FAM227A: variants seen among roughly 807,000 people sequenced by gnomAD.
The protein encoded by FAM227A is protein FAM227A.
Under a neutral mutation model 74.7 loss-of-function variants are expected in FAM227A, and 80 were observed. The observed-to-expected ratio is 1.07, with a 90% CI of 0.89 to 1.29. The LOEUF is 1.29. FAM227A is among the 50% of genes most tolerant of loss of function. The probability of loss-of-function intolerance (pLI) is 0.00; values close to 1 mark genes in which losing one functional copy is unlikely to be tolerated. For synonymous variants in FAM227A, 237 were observed against 241.8 expected (o/e 0.98, Z 0.19); for missense variants, 654 against 683.4 (o/e 0.96, Z 0.48).
At chr22:38,624,887 A>C (rs1271511965) in intron 9 of FAM227A, among the ~76,000 whole-genome samples, 1 of 150,530 alleles carries the variant, frequency 6.6e-6, no homozygotes, top group Non-Finnish European at 1.5e-5. Flanking sequence ...TCATAGCGAG[A>C]CTACACTTAA....
At chr22:38,589,863 G>T (rs1051226112) in intron 16 of FAM227A, among the ~76,000 whole-genome samples, 1 of 152,124 alleles carries the variant, frequency 6.6e-6, no homozygotes, top group Non-Finnish European at 1.5e-5. Flanking sequence ...CACTTTGGGA[G>T]GCCAAGGCGA....
intron 3 of FAM227A, among the ~76,000 whole-genome samples, chr22:38,642,494 T>C (rs540194192): frequency 6.6e-6 from 1 of 152,146 alleles, no homozygotes; most frequent in African/African-American, 2.4e-5. Context: ...ACACAGAAGG[T>C]ACAATCCATG....
At position 38,650,241 on chromosome 22, in the gene FAM227A, T is replaced by C. The variant is rs2092305080; in HGVS notation, c.-73A>G. The C allele has an allele frequency of 6.9e-7, 1 of 1,459,364 alleles. No individual in the cohort carries two copies. Among genetic ancestry groups the C allele is most frequent in the African/African-American group, 1.4e-5 (1 of 71,054 alleles). 90.4% of individuals were successfully genotyped at this position (1,459,364 alleles called of 1,614,324 possible). A position where few individuals can be genotyped will look rare whatever the true frequency, so the allele number is the denominator to read the frequency against. ...AGCCTCTCATTTCCCACTCCAATCT[T>C]GTCGTTTGTTTAATCAGCCTCCTGG... On this transcript the variant is annotated 5_prime_UTR_variant, in exon 2 of 17. Transcript: ENST00000535113.
chr22:38,611,639 T>C (rs569063476), intron 11 of FAM227A, among the ~76,000 whole-genome samples: 1 of 152,132 alleles, frequency 6.6e-6, no homozygotes, highest in East Asian at 1.9e-4. Flanking sequence ...AACTGATAGG[T>C]GCATCACTTA....
chr22:38,640,030 T>C (rs1346130722), intron 3 of FAM227A, among the ~76,000 whole-genome samples: 5 of 151,644 alleles, frequency 3.3e-5, no homozygotes, highest in South Asian at 2.1e-4. Flanking sequence ...ATATCTATCT[T>C]CCAGGGTTCT....
chr22:38,596,467 AC>A, intron 15 of FAM227A, among the ~76,000 whole-genome samples: 1 of 152,232 alleles, frequency 6.6e-6, no homozygotes, highest in East Asian at 1.9e-4. Context: ...GATCACTTGA[AC>A]CCAGGAGTTT....
chr22:38,643,080 C>T (rs1037620595), intron 3 of FAM227A, among the ~76,000 whole-genome samples: 6 of 151,958 alleles, frequency 3.9e-5, no homozygotes, highest in Non-Finnish European at 5.9e-5. Flanking sequence ...TTTGGGAGGC[C>T]GAGGCGGGTG....
chr22:38,587,230 A>G (rs1362068486), intron 16 of FAM227A, among the ~76,000 whole-genome samples: 2 of 152,222 alleles, frequency 1.3e-5, no homozygotes, highest in Non-Finnish European at 2.9e-5. Context: ...AAAGAAGCAC[A>G]AACTAAATCT....
At chr22:38,620,343 G>A in intron 10 of FAM227A, 52 bp from the exon 11 acceptor site, 4 of 1,405,246 alleles carry the variant, frequency 2.8e-6, no homozygotes, top group Non-Finnish European at 3.9e-6. Context: ...GGACAATGAA[G>A]ATTGTAGCCC....
chr22:38,606,842 A>G (rs2091294134), intron 12 of FAM227A, among the ~76,000 whole-genome samples: 1 of 152,182 alleles, frequency 6.6e-6, no homozygotes, highest in Non-Finnish European at 1.5e-5. Context: ...TTCCCCACAG[A>G]TAACAGCACT....
At chr22:38,646,209 C>A (rs7289577) in intron 2 of FAM227A, among the ~76,000 whole-genome samples, 1 of 149,270 alleles carries the variant, frequency 6.7e-6, no homozygotes, top group African/African-American at 2.5e-5. Flanking sequence ...ACCACCCTAA[C>A]AACTCTGTTA....
intron 2 of FAM227A, among the ~76,000 whole-genome samples, chr22:38,648,531 C>T (rs7291287): frequency 0.3 from 45,351 of 150,736 alleles, 7,463 homozygotes; most frequent in East Asian, 0.36. Flanking sequence ...TGCTTGAACC[C>T]GGGAGGTGGA....
At chr22:38,646,655 TTA>T (rs2092246065) in intron 2 of FAM227A, among the ~76,000 whole-genome samples, 2 of 151,554 alleles carry the variant, frequency 1.3e-5, no homozygotes, top group East Asian at 1.9e-4. Flanking sequence ...ATTATTATTA[TTA>T]TTTTTTTTTT....
At chr22:38,597,635 C>G (rs1189060936) in intron 14 of FAM227A, among the ~76,000 whole-genome samples, 1 of 152,108 alleles carries the variant, frequency 6.6e-6, no homozygotes, top group African/African-American at 2.4e-5. Flanking sequence ...GAAGGCAGGG[C>G]TAAGAAATAC....
chr22:38,613,280 CAT>C (rs2091481687), intron 11 of FAM227A, among the ~76,000 whole-genome samples: 1 of 56,042 alleles, frequency 1.8e-5, no homozygotes, highest in Non-Finnish European at 3.1e-5. Context: ...TATTATATAT[CAT>C]ATATAATATA....
At chr22:38,644,685 C>G (rs1434168459) in intron 3 of FAM227A, among the ~76,000 whole-genome samples, 1 of 152,216 alleles carries the variant, frequency 6.6e-6, no homozygotes, top group Non-Finnish European at 1.5e-5. Flanking sequence ...GTGCCACTAT[C>G]TTATGGAATG....
At position 38,586,010 on chromosome 22, in the gene FAM227A, T is replaced by G; in HGVS notation, c.*115A>C. 2 of 1,540,684 alleles carry G rather than the reference T, an allele frequency of 1.3e-6. No homozygotes were observed. Among genetic ancestry groups the G allele is most frequent in the Non-Finnish European group, 1.8e-6 (2 of 1,142,058 alleles). Reference sequence around the variant, plus strand: ...GAATCCTTCCCCTATGGAGAAATCATGATTCCTATTTCTGTCTTTGGCCAC... The same window carrying G: ...GAATCCTTCCCCTATGGAGAAATCAGGATTCCTATTTCTGTCTTTGGCCAC... On this transcript the variant is annotated 3_prime_UTR_variant, in exon 17 of 17. Transcript: ENST00000535113.
intron 15 of FAM227A, among the ~76,000 whole-genome samples, chr22:38,593,850 C>CT (rs2090990219): frequency 6.6e-6 from 1 of 152,096 alleles, no homozygotes; most frequent in Non-Finnish European, 1.5e-5. Context: ...GCCACTACCA[C>CT]CCAGCTATTT....
rs981075177 is a variant in FAM227A at position 38,626,271 on chromosome 22, G to A, written c.759C>T (p.Tyr253=). ...GTGGAAAGCAGCAACAGAAGCTGGT[G>A]TACACGGCTTTGCTGAGAAGTGATG... is the stretch of plus-strand genomic sequence containing the variant. ...RLPSLLSKAV[Y]TSFCCCFPQS... is the part of the protein sequence containing the mutation. The change falls in exon 9 of 17, where the codon TAC becomes TAT. Residue 253 remains tyrosine (Y), a synonymous_variant. Coordinates refer to ENST00000535113, the MANE Select transcript of FAM227A (RefSeq NM_001013647.2). 3 of 1,551,528 alleles carry A rather than the reference G, an allele frequency of 1.9e-6. No homozygotes were observed. The African/African-American group carries it at 4.1e-5, about 21-fold the overall frequency.
Sources: gnomAD v4.1 joint callset for allele counts (sites outside exome capture counted in the v4.1 genomes callset) on GRCh38, gnomAD v4.1.1 for gene constraint, MANE v1.5 for transcripts, NCBI Gene and HGNC (gene_info 2026-07-23, HGNC 2026-07-21) for gene names.